AP1G1: variants seen among roughly 807,000 people sequenced by gnomAD.
The protein encoded by AP1G1 is adaptor related protein complex 1 subunit gamma 1.
AP1G1 carries 7 observed loss-of-function variants against 108.3 expected under a neutral mutation model. The ratio of observed to expected loss-of-function variants is 0.06; its 90% CI spans 0.04 to 0.12. AP1G1 has a LOEUF of 0.12. Ranked by LOEUF, AP1G1 falls within the 10% of genes least tolerant of loss-of-function variation. The pLI is 1.00. For missense variants in AP1G1, 756 were observed against 1,010.7 expected (o/e 0.75, Z 3.42); for synonymous variants, 379 against 353.5 (o/e 1.07, Z -0.81).
rs1479972758 is a variant in AP1G1 at position 71,739,214 on chromosome 16, G to A, written c.2107+20C>T. 2 of 1,608,440 alleles carry A rather than the reference G, an allele frequency of 1.2e-6. No individual in the cohort carries two copies. The highest frequency in any genetic ancestry group is 1.7e-5 in the Admixed American group (1 of 59,706). On this transcript the variant is annotated intron_variant, in intron 20 of 22. Transcript: ENST00000299980. ...ATTACTCAGTGCTCCATGTAATGAT[G>A]GTAACAACAGTCATCGTACCTGCAG...
rs1000493137 is a variant in AP1G1 at position 71,729,448 on chromosome 16, A to C, written c.*3610T>G. The C allele has an allele frequency of 1.3e-4, 19 of 151,946 alleles. No individual in the cohort carries two copies. Among genetic ancestry groups the C allele is most frequent in the Non-Finnish European group, 2.5e-4 (17 of 67,922 alleles). The allele number at this position is 151,946 out of a possible 1,614,324, so 9.4% of individuals were successfully genotyped here. ...TTGAGGGAAGAAAAAAAAAAAAAAA[A>C]AAACCAACTCCAAGGCTCCATCTTG... On this transcript the variant is annotated 3_prime_UTR_variant, in exon 23 of 23. Coordinates refer to ENST00000299980, the MANE Select transcript of AP1G1 (RefSeq NM_001128.6).
At chr16:71,797,370 GA>G (rs2032623951) in intron 1 of AP1G1, among the ~76,000 whole-genome samples, 1 of 151,872 alleles carries the variant, frequency 6.6e-6, no homozygotes, top group Non-Finnish European at 1.5e-5. Context: ...AACTTGCTTT[GA>G]AAAAAAGCAA....
At chr16:71,779,150 T>C (rs1268586692) in intron 2 of AP1G1, among the ~76,000 whole-genome samples, 1 of 152,130 alleles carries the variant, frequency 6.6e-6, no homozygotes, top group Non-Finnish European at 1.5e-5. Flanking sequence ...AGATCGAAGT[T>C]TTCAGCCCCC....
chr16:71,762,068 A>C (rs2031113185), intron 9 of AP1G1, among the ~76,000 whole-genome samples: 1 of 152,086 alleles, frequency 6.6e-6, no homozygotes, highest in Non-Finnish European at 1.5e-5. Flanking sequence ...ACAAAAGTCT[A>C]CTGTGGCACT....
At chr16:71,751,677 G>T (rs1283521333) in intron 13 of AP1G1, among the ~76,000 whole-genome samples, 1 of 152,086 alleles carries the variant, frequency 6.6e-6, no homozygotes, top group East Asian at 1.9e-4. Context: ...GATCTAATGG[G>T]TTTGTATAAT....
intron 2 of AP1G1, among the ~76,000 whole-genome samples, chr16:71,776,623 T>C (rs1487354429): frequency 6.6e-6 from 1 of 152,220 alleles, no homozygotes; most frequent in Non-Finnish European, 1.5e-5. Flanking sequence ...AAGAATCAGA[T>C]ATCAGAGTTT....
chr16:71,795,896 C>A (rs149641573), intron 1 of AP1G1, among the ~76,000 whole-genome samples: 1 of 152,120 alleles, frequency 6.6e-6, no homozygotes, highest in Non-Finnish European at 1.5e-5. Flanking sequence ...AGTGAATAAA[C>A]GGAAAAGACC....
chr16:71,748,503 A>C, intron 15 of AP1G1, 125 bp from the exon 16 acceptor site: 290 of 1,128,782 alleles, frequency 2.6e-4, no homozygotes, highest in Non-Finnish European at 3.1e-4. Context: ...CCTCTAACTC[A>C]ACCTGTGCTT....
intron 12 of AP1G1, among the ~76,000 whole-genome samples, chr16:71,754,096 GGGTGTGGT>G (rs2030644793): frequency 1.3e-5 from 2 of 151,988 alleles, no homozygotes; most frequent in South Asian, 4.2e-4. Context: ...AAAATTAGCT[GGGTGTGGT>G]GGTGGGTGCC....
chr16:71,763,615 G>A (rs569095129), intron 9 of AP1G1, among the ~76,000 whole-genome samples: 26 of 152,088 alleles, frequency 1.7e-4, no homozygotes, highest in African/African-American at 4.1e-4. Flanking sequence ...AGTATGGTGC[G>A]AACAATATAT....
chr16:71,776,986 G>GT (rs951929128), intron 2 of AP1G1, among the ~76,000 whole-genome samples: 1 of 151,416 alleles, frequency 6.6e-6, no homozygotes, highest in Non-Finnish European at 1.5e-5. Flanking sequence ...GTGGGCGCCT[G>GT]TAATCCCAGC....
At chr16:71,800,499 T>G (rs2032754348) in intron 1 of AP1G1, among the ~76,000 whole-genome samples, 1 of 149,512 alleles carries the variant, frequency 6.7e-6, no homozygotes. Context: ...CTGACCAACA[T>G]GGAGAAACCC....
At chr16:71,785,779 G>C (rs977531486) in intron 2 of AP1G1, among the ~76,000 whole-genome samples, 1 of 152,034 alleles carries the variant, frequency 6.6e-6, no homozygotes, top group African/African-American at 2.4e-5. Context: ...CTACTAGGGA[G>C]GCTGAGGAAG....
intron 6 of AP1G1, among the ~76,000 whole-genome samples, chr16:71,768,510 AAAAG>A (rs2031415486): frequency 6.6e-6 from 1 of 151,082 alleles, no homozygotes; most frequent in African/African-American, 2.4e-5. Context: ...CAAAAAAAAA[AAAAG>A]AGAGAAGGGA....
chr16:71,768,328 C>CT (rs1170380181), intron 6 of AP1G1, among the ~76,000 whole-genome samples: 3 of 150,142 alleles, frequency 2.0e-5, no homozygotes, highest in African/African-American at 7.4e-5. Context: ...GAAACCCCAT[C>CT]TCTACTAAAA....
chr16:71,790,225 T>C (rs886592691), intron 1 of AP1G1, among the ~76,000 whole-genome samples: 2 of 151,958 alleles, frequency 1.3e-5, no homozygotes, highest in Non-Finnish European at 2.9e-5. Context: ...CAGGGAAATG[T>C]GGAACTAACT....
rs569990186 is a variant in AP1G1, at chr16:71,729,784, T to G, written c.*3274A>C. 6.6e-6 allele frequency: 1 copy of G among 152,594 alleles called. No individual in the cohort carries two copies. Among genetic ancestry groups the G allele is most frequent in the Non-Finnish European group, 1.5e-5 (1 of 68,024 alleles). 9.5% of individuals were successfully genotyped at this position (152,594 alleles called of 1,614,324 possible). On this transcript the variant is annotated 3_prime_UTR_variant, in exon 23 of 23. Transcript: ENST00000299980. ...ACTACAAAGTTCATGAACACCCACTTTTTCCTCTCTAGTTTTCTCAGTTTA... is the reference window on the plus strand; with the variant it reads ...ACTACAAAGTTCATGAACACCCACTGTTTCCTCTCTAGTTTTCTCAGTTTA...
intron 2 of AP1G1, 38 bp from the exon 3 acceptor site, chr16:71,774,630 C>A: frequency 6.5e-7 from 1 of 1,540,456 alleles, no homozygotes; most frequent in Non-Finnish European, 8.7e-7. Flanking sequence ...GAAATTAAAA[C>A]TTGCTACCAC....
At chr16:71,751,055 T>C (rs1183814902) in intron 13 of AP1G1, among the ~76,000 whole-genome samples, 2 of 148,738 alleles carry the variant, frequency 1.3e-5, no homozygotes, top group African/African-American at 5.0e-5. Flanking sequence ...CTCAGGAGGC[T>C]GAGACAGCAG....
Sources: gnomAD v4.1 joint callset for allele counts (sites outside exome capture counted in the v4.1 genomes callset) on GRCh38, gnomAD v4.1.1 for gene constraint, MANE v1.5 for transcripts, NCBI Gene and HGNC (gene_info 2026-07-23, HGNC 2026-07-21) for gene names.